Variants in FANCA observed in about 807,000 individuals in gnomAD.
FANCA encodes the protein FA complementation group A, also known as Fanconi anemia group A protein.
In FANCA, 236 loss-of-function variants were observed where a neutral mutation model predicts 194.3. That is an observed-to-expected ratio of 1.21 (90% CI 1.09 to 1.35). The LOEUF (loss-of-function observed/expected upper bound fraction) is 1.35. Among genes scored for constraint, FANCA ranks in the 40% most tolerant of loss-of-function variants. FANCA has a pLI of 0.00. For missense variants in FANCA, 2,628 were observed against 1,813.9 expected, an observed-to-expected ratio of 1.45 and a Z score of -8.15; for synonymous variants, 1,014 against 715.8, an observed-to-expected ratio of 1.42 and a Z score of -6.65.
chr16:89,815,289 G>A (rs1038385780), intron 2 of FANCA, among the ~76,000 whole-genome samples: 3 of 146,162 alleles, frequency 2.1e-5, no homozygotes, highest in East Asian at 2.1e-4. Flanking sequence ...TACCCACTTC[G>A]GCCTCCCAAA....
chr16:89,738,121 T>G lies in FANCA; in HGVS notation c.*480A>C. On this transcript the variant is annotated 3_prime_UTR_variant, in exon 43 of 43. Coordinates refer to ENST00000389301, the MANE Select transcript of FANCA (RefSeq NM_000135.4). ...GGCCCACAACCTCAATGTACACATGTCCATGGTGCACCCGCTGACACAGAC... is the reference window on the plus strand; with the variant it reads ...GGCCCACAACCTCAATGTACACATGGCCATGGTGCACCCGCTGACACAGAC... The G allele has an allele frequency of 6.2e-7, 1 of 1,613,800 alleles. No individual in the cohort carries two copies. The highest frequency in any genetic ancestry group is 8.5e-7 in the Non-Finnish European group (1 of 1,180,020).
chr16:89,747,438 C>T (rs1194507369), intron 33 of FANCA, among the ~76,000 whole-genome samples: 2 of 152,236 alleles, frequency 1.3e-5, no homozygotes, highest in Non-Finnish European at 2.9e-5. Context: ...GCCGGGCTCA[C>T]ACCTGTAATC....
chr16:89,773,471 G>C (rs2039394396), intron 21 of FANCA, 87 bp from the exon 22 acceptor site: 4 of 994,512 alleles, frequency 4.0e-6, no homozygotes, highest in Non-Finnish European at 3.1e-6. Context: ...GTCAAATACA[G>C]AGCTGTGAAC....
chr16:89,795,211 G>A (rs1227155082), intron 11 of FANCA, among the ~76,000 whole-genome samples: 1 of 151,622 alleles, frequency 6.6e-6, no homozygotes, highest in Non-Finnish European at 1.5e-5. Flanking sequence ...TTTGAACCCG[G>A]GAGGTGGAGG....
chr16:89,812,655 A>AC (rs1567655667), intron 3 of FANCA, among the ~76,000 whole-genome samples: 7 of 125,338 alleles, frequency 5.6e-5, no homozygotes, highest in Admixed American at 8.1e-5. Flanking sequence ...TCAAAAAAAA[A>AC]AAAAAAAAAA....
Position 89,809,763 on chromosome 16 carries a change from G to A in FANCA, c.522+944C>T, listed in dbSNP as rs556603016. Among the ~76,000 whole-genome samples, 17 of 151,932 alleles carry A rather than the reference G, an allele frequency of 1.1e-4. No individual in the cohort carries two copies. In the South Asian group the frequency reaches 2.7e-3, roughly 24 times the overall value. ...AGCTACTCGGGAGGCTGAGGCGGGA[G>A]AATGGCGTGAACCCGGGAGGCGGAC... On this transcript the variant is annotated intron_variant, in intron 5 of 42. Transcript: ENST00000389301.
At chr16:89,765,749 C>G (rs2039105152) in intron 27 of FANCA, among the ~76,000 whole-genome samples, 1 of 152,264 alleles carries the variant, frequency 6.6e-6, no homozygotes, top group Non-Finnish European at 1.5e-5. Context: ...ACTGTCGTCC[C>G]TGCTCAGCAT....
chr16:89,813,699 C>T (rs376472493), intron 3 of FANCA, among the ~76,000 whole-genome samples: 1 of 152,134 alleles, frequency 6.6e-6, no homozygotes, highest in South Asian at 2.1e-4. Context: ...TCCCAAAGTG[C>T]TGCGATTATA....
rs532100816 is a variant in FANCA, at chr16:89,795,871, G to C, written c.1006+35C>G. On this transcript the variant is annotated intron_variant, in intron 11 of 42. Transcript: ENST00000389301. ...ACAAGGCAACAGCAATCCCCAAAAT[G>C]GGTAGCAACTGAGCAGCCTCCACAC... 6.5e-5 allele frequency: 97 copies of C among 1,500,442 alleles called. 2 individuals carry two copies. In the South Asian group the frequency reaches 1.0e-3, roughly 16 times the overall value. The allele number at this position is 1,500,442 out of a possible 1,614,324, so 92.9% of individuals were successfully genotyped here. A position where few individuals can be genotyped will look rare whatever the true frequency, so the allele number is the denominator to read the frequency against.
intron 22 of FANCA, among the ~76,000 whole-genome samples, 156 bp downstream of exon 22, chr16:89,773,115 G>A (rs974126078): frequency 2.0e-5 from 3 of 152,140 alleles, no homozygotes; most frequent in African/African-American, 7.2e-5. Flanking sequence ...CTCAAAAAAG[G>A]TTCCACACCC....
chr16:89,799,321 T>C lies in FANCA; in HGVS notation c.827-89A>G. On this transcript the variant is annotated intron_variant, in intron 9 of 42. Coordinates refer to ENST00000389301, the MANE Select transcript of FANCA (RefSeq NM_000135.4). ...TCCCCAGGCGCTTTCAGACAACAGA[T>C]CCACTTCAACCCCCCAGAGGGCCCA... The C allele has an allele frequency of 2.7e-6, 4 of 1,484,482 alleles. No individual in the cohort carries two copies. In the Admixed American group the frequency reaches 7.2e-5, roughly 27 times the overall value. 92.0% of individuals were successfully genotyped at this position (1,484,482 alleles called of 1,614,324 possible).
intron 31 of FANCA, among the ~76,000 whole-genome samples, chr16:89,750,566 A>C (rs546731268): frequency 4.5e-4 from 68 of 152,016 alleles, no homozygotes; most frequent in Non-Finnish European, 9.3e-4. Flanking sequence ...AGACAGATGG[A>C]TTACCTGAGG....
rs74033849 is a variant in FANCA at position 89,739,673 on chromosome 16, G to A, written c.3935-120C>T. The A allele has an allele frequency of 1.0e-3, 1,539 of 1,512,274 alleles. 13 individuals carry two copies. In the African/African-American group the frequency reaches 0.02, roughly 19 times the overall value. 93.7% of individuals were successfully genotyped at this position (1,512,274 alleles called of 1,614,324 possible). On this transcript the variant is annotated intron_variant, in intron 39 of 42. Transcript: ENST00000389301. ...AGGCCTGGCTGTGGGGATAGTGTGG[G>A]GCGAACAGCCTGAGCTGAGGATACC... is the stretch of plus-strand genomic sequence containing the variant.
At chr16:89,781,041 G>T (rs560999266) in intron 17 of FANCA, among the ~76,000 whole-genome samples, 2 of 151,752 alleles carry the variant, frequency 1.3e-5, no homozygotes, top group African/African-American at 2.4e-5. Flanking sequence ...TCAGTAACTC[G>T]TAACTTTAAA....
intron 33 of FANCA, among the ~76,000 whole-genome samples, chr16:89,748,204 C>A (rs541451959): frequency 1.9e-4 from 29 of 152,230 alleles, no homozygotes; most frequent in Admixed American, 1.8e-3. Context: ...CCGCACCCAG[C>A]CTGCTGGTTA....
At chr16:89,802,563 G>A (rs1319429158) in intron 8 of FANCA, among the ~76,000 whole-genome samples, 2 of 152,042 alleles carry the variant, frequency 1.3e-5, no homozygotes, top group African/African-American at 2.4e-5. Flanking sequence ...CACCAGGCCC[G>A]GCTAATTTTT....
chr16:89,739,464 G>A lies in FANCA; in HGVS notation c.4010+14C>T, dbSNP rs1339996571. Reference sequence around the variant, plus strand: ...ACACTGCCCAGCCCTGACCAGCCCTGTGGGTGGAGGTACCTGTAAAAAGCG... The same window carrying A: ...ACACTGCCCAGCCCTGACCAGCCCTATGGGTGGAGGTACCTGTAAAAAGCG... On this transcript the variant is annotated intron_variant, in intron 40 of 42. Transcript: ENST00000389301. The A allele has an allele frequency of 1.3e-6, 2 of 1,551,668 alleles. No homozygotes were observed. Among genetic ancestry groups the A allele is most frequent in the Non-Finnish European group, 1.7e-6 (2 of 1,147,594 alleles).
Position 89,749,851 on chromosome 16 carries a change from G to C in FANCA, c.3118C>G (p.His1040Asp). The change falls in exon 32 of 43, where the codon CAC (histidine) becomes GAC (aspartate). Residue 1040 changes from histidine (H) to aspartate (D), a missense_variant. Transcript: ENST00000389301. The part of the protein sequence containing the change: ...LQQDLIVPLG[H>D]TPSQEHFLFE... ...AGGAAGTGCTCCTGGGAAGGGGTGTGGCCGAGAGGCACTATGAGGTCTTGC... is the reference window on the plus strand; with the variant it reads ...AGGAAGTGCTCCTGGGAAGGGGTGTCGCCGAGAGGCACTATGAGGTCTTGC... The C allele has an allele frequency of 2.5e-6, 4 of 1,614,208 alleles. No homozygotes were observed. The highest frequency in any genetic ancestry group is 1.1e-5 in the South Asian group (1 of 91,084).
rs2143087368 is a variant in FANCA at position 89,744,996 on chromosome 16, G to A, written c.3589C>T (p.Leu1197=). ...TGCCGGCCTTCTTGTAGCTTCTGCAGTTCCCGGGGCAGCGGGCTCTGGCAG... is the reference window on the plus strand; with the variant it reads ...TGCCGGCCTTCTTGTAGCTTCTGCAATTCCCGGGGCAGCGGGCTCTGGCAG... ...RHCQSPLPRE[L]QKLQEGRQFA... The change falls in exon 36 of 43, where the codon CTG becomes TTG. Residue 1197 remains leucine, a synonymous_variant. Coordinates refer to ENST00000389301, the MANE Select transcript of FANCA (RefSeq NM_000135.4). The A allele has an allele frequency of 1.2e-6, 2 of 1,611,642 alleles. No individual in the cohort carries two copies. The highest frequency in any genetic ancestry group is 1.7e-6 in the Non-Finnish European group (2 of 1,179,890).
Sources: allele counts gnomAD v4.1 joint callset (sites outside exome capture counted in the v4.1 genomes callset), GRCh38; gene constraint gnomAD v4.1.1; transcripts MANE v1.5; gene names NCBI Gene and HGNC (gene_info 2026-07-23, HGNC 2026-07-21).